The following EMILIN1 variants were observed in gnomAD, a reference collection of about 807,000 sequenced individuals.
EMILIN1 encodes elastin microfibril interfacer 1.
A neutral mutation model predicts 82.4 loss-of-function variants in EMILIN1; 49 were observed. The ratio of observed to expected loss-of-function variants is 0.59; its 90% confidence interval spans 0.47 to 0.75. EMILIN1 has a LOEUF of 0.75. EMILIN1 is among the 30% of genes least tolerant of loss of function. The probability of loss-of-function intolerance (pLI) is 0.00; values close to 1 mark genes in which losing one functional copy is unlikely to be tolerated. For synonymous variants in EMILIN1, 604 were observed against 602.2 expected, an observed-to-expected ratio of 1.00 and a Z score of -0.04; for missense variants, 1,313 against 1,366.4, an observed-to-expected ratio of 0.96 and a Z score of 0.62.
intron 3 of EMILIN1, among the ~76,000 whole-genome samples, 156 bp downstream of exon 3, chr2:27,081,108 CGTGTGT>C (rs56048649): frequency 0.043 from 6,059 of 142,484 alleles, 146 homozygotes; most frequent in Middle Eastern, 0.047. Flanking sequence ...ATTCCCTGCC[CGTGTGT>C]GTGTGTGTGT....
At position 27,080,929 on chromosome 2, in the gene EMILIN1, C is replaced by T; in HGVS notation, c.488C>T (p.Pro163Leu). Residue 163 changes from proline (P) to leucine (L), a missense_variant, in exon 3 of 8, where the codon CCC (proline) becomes CTC (leucine). Pro to Leu is a moderately conservative substitution (Grantham distance 98). Coordinates refer to ENST00000380320, the MANE Select transcript of EMILIN1 (RefSeq NM_007046.4). ...PNLSGSSAGSPLSGLGGEGPG... is the reference protein window; with the variant it reads ...PNLSGSSAGSLLSGLGGEGPG... ...CTCTCTGGCTCCAGTGCAGGCAGCC[C>T]CCTCAGTGGACTGGGGGGAGAAGGT... is the stretch of plus-strand genomic sequence containing the variant. 6.3e-7 allele frequency: 1 copy of T among 1,597,616 alleles called. No individual in the cohort carries two copies. The highest frequency in any genetic ancestry group is 2.3e-5 in the East Asian group (1 of 44,304).
In EMILIN1 at chr2:27,082,928, C is replaced by T; in HGVS notation, c.1357C>T (p.Leu453=). The T allele has an allele frequency of 1.3e-6, 2 of 1,591,302 alleles. No homozygotes were observed. The highest frequency in any genetic ancestry group is 1.7e-6 in the Non-Finnish European group (2 of 1,172,504). ...RGRLEQLGGL[L]ANVSGELGGR... ...CCGACTAGAGCAGTTGGGGGGGCTG[C>T]TGGCCAATGTGAGCGGGGAGCTGGG... The change falls in exon 4 of 8, where the codon CTG becomes TTG. Residue 453 remains leucine, a synonymous_variant. Transcript: ENST00000380320.
intron 2 of EMILIN1, 74 bp from the exon 3 acceptor site, chr2:27,080,658 C>G: frequency 7.8e-7 from 1 of 1,290,020 alleles, no homozygotes; most frequent in Non-Finnish European, 1.1e-6. Context: ...AGCAGCTGCC[C>G]ACCCCTGAGG....
rs753236806 is a variant in EMILIN1 at position 27,085,009 on chromosome 2, G to A, written c.2575+1G>A. On this transcript the variant is annotated splice_donor_variant, in intron 6 of 7. Coordinates refer to ENST00000380320, the MANE Select transcript of EMILIN1 (RefSeq NM_007046.4). LOFTEE classifies it high-confidence loss of function. The stretch of plus-strand genomic sequence containing the variant: ...CTCACAGGTCCTCAAGGTGAACAGG[G>A]TGAGTGCCTTTCATTTGATTCTGGA... 4.3e-6 allele frequency: 7 copies of A among 1,613,994 alleles called. No individual in the cohort carries two copies.
rs1445212820 is a variant in EMILIN1, at chr2:27,083,507, G to A, written c.1936G>A (p.Glu646Lys). ...SGSALQALQG[E>K]LSEVILSFSS... The stretch of plus-strand genomic sequence containing the variant: ...CTCAGCCCTGCAGGCCCTGCAAGGA[G>A]AGCTCTCTGAGGTTATTCTCAGCTT... Residue 646 changes from glutamate (E) to lysine (K), a missense_variant, in exon 4 of 8, where the codon GAG becomes AAG. By Grantham distance (56) the Glu-to-Lys change is moderately conservative (BLOSUM62 1). Coordinates refer to ENST00000380320, the MANE Select transcript of EMILIN1 (RefSeq NM_007046.4). 1.9e-6 allele frequency: 3 copies of A among 1,613,834 alleles called. No individual in the cohort carries two copies. Among genetic ancestry groups the A allele is most frequent in the East Asian group, 2.2e-5 (1 of 44,892 alleles).
intron 1 of EMILIN1, among the ~76,000 whole-genome samples, chr2:27,079,583 T>A (rs1319041276): frequency 6.6e-6 from 1 of 152,082 alleles, no homozygotes; most frequent in Non-Finnish European, 1.5e-5. Flanking sequence ...CATCCAGTAA[T>A]CCATAATTCT....
In EMILIN1 at chr2:27,082,233, G is replaced by A; in HGVS notation, c.662G>A (p.Arg221Lys). The A allele has an allele frequency of 1.9e-6, 3 of 1,613,460 alleles. No individual in the cohort carries two copies. Among genetic ancestry groups the A allele is most frequent in the Non-Finnish European group, 2.5e-6 (3 of 1,179,982 alleles). Residue 221 changes from arginine (R) to lysine (K), a missense_variant, in exon 4 of 8, where the codon AGG becomes AAG. Physicochemically the swap from Arg to Lys is conservative, Grantham distance 26 (BLOSUM62 2). Coordinates refer to ENST00000380320, the MANE Select transcript of EMILIN1 (RefSeq NM_007046.4). ...GCTGTGGAGACGGCCTTCAACGGGAGGCAGCAGCCAGCTGACGCGGCTGCC... is the reference window on the plus strand; with the variant it reads ...GCTGTGGAGACGGCCTTCAACGGGAAGCAGCAGCCAGCTGACGCGGCTGCC... The part of the protein sequence containing the change: ...QRAVETAFNG[R>K]QQPADAAARP...
chr2:27,080,351 T>C, intron 2 of EMILIN1, 81 bp downstream of exon 2: 1 of 1,567,576 alleles, frequency 6.4e-7, no homozygotes, highest in Non-Finnish European at 8.7e-7. Flanking sequence ...AGGGAGTCTG[T>C]ATGAAGCAGG....
rs1669573430 is a variant in EMILIN1, at chr2:27,084,993, C to T, written c.2560C>T (p.Pro854Ser). ...TGCTCCCTTTCCTCTTCTCACAGGT[C>T]CTCAAGGTGAACAGGGTGAGTGCCT... ...GQEGPIGPPG[P>S]QGEQGVEGAP... The change falls in exon 6 of 8, where the codon CCT (proline) becomes TCT (serine). Residue 854 changes from proline (P) to serine (S), a missense_variant and splice_region_variant. Pro to Ser is a moderately conservative substitution (Grantham distance 74, BLOSUM62 -1). Coordinates refer to ENST00000380320, the MANE Select transcript of EMILIN1 (RefSeq NM_007046.4). 8 of 1,613,920 alleles carry T rather than the reference C, an allele frequency of 5.0e-6. No individual in the cohort carries two copies. The highest frequency in any genetic ancestry group is 6.8e-6 in the Non-Finnish European group (8 of 1,179,758).
intron 7 of EMILIN1, 81 bp downstream of exon 7, chr2:27,085,378 C>T (rs1407392888): frequency 1.3e-6 from 2 of 1,536,058 alleles, no homozygotes; most frequent in African/African-American, 1.4e-5. Context: ...TTGCCTTTTC[C>T]GACAGTGTGA....
chr2:27,080,777 A>G lies in EMILIN1; in HGVS notation c.336A>G (p.Thr112=). ...LRPRYRVAYK[T]VTDMEWRCCQ... is the part of the protein sequence containing the mutation. ...CTCGCTACCGTGTGGCCTACAAGAC[A>G]GTGACCGACATGGAGTGGAGGTGCT... Residue 112 remains threonine, a synonymous_variant, in exon 3 of 8, where the codon ACA becomes ACG. Coordinates refer to ENST00000380320, the MANE Select transcript of EMILIN1 (RefSeq NM_007046.4). The G allele has an allele frequency of 1.2e-6, 2 of 1,613,838 alleles. No individual in the cohort carries two copies. Among genetic ancestry groups the G allele is most frequent in the African/African-American group, 1.3e-5 (1 of 75,056 alleles).
chr2:27,082,223 T>C lies in EMILIN1; in HGVS notation c.652T>C (p.Phe218Leu), dbSNP rs777685787. 1.9e-6 allele frequency: 3 copies of C among 1,613,524 alleles called. No individual in the cohort carries two copies. The highest frequency in any genetic ancestry group is 2.5e-6 in the Non-Finnish European group (3 of 1,179,984). ...TGTGCAGAGGGCTGTGGAGACGGCC[T>C]TCAACGGGAGGCAGCAGCCAGCTGA... ...EDVQRAVETAFNGRQQPADAA... is the reference protein window; with the variant it reads ...EDVQRAVETALNGRQQPADAA... Residue 218 changes from phenylalanine (F) to leucine (L), a missense_variant, in exon 4 of 8, where the codon TTC (phenylalanine) becomes CTC (leucine). Coordinates refer to ENST00000380320, the MANE Select transcript of EMILIN1 (RefSeq NM_007046.4).
Position 27,084,522 on chromosome 2 carries a change from G to A in EMILIN1, c.2548G>A (p.Gly850Arg), listed in dbSNP as rs758516548. 1.4e-5 allele frequency: 23 copies of A among 1,608,062 alleles called. No homozygotes were observed. The highest frequency in any genetic ancestry group is 5.5e-5 in the South Asian group (5 of 90,992). ...CAAGGACGGGCAAGAGGGCCCCATC[G>A]GGCCACCAGGTATGTGCACTGAGAC... is the stretch of plus-strand genomic sequence containing the variant. Reference protein sequence around the residue: ...PGKDGQEGPIGPPGPQGEQGV... With the variant: ...PGKDGQEGPIRPPGPQGEQGV... The change falls in exon 5 of 8, where the codon GGG (glycine) becomes AGG (arginine). Residue 850 changes from glycine (G) to arginine (R), a missense_variant. Gly to Arg is a moderately radical substitution (Grantham distance 125, BLOSUM62 -2). Transcript: ENST00000380320.
At position 27,083,084 on chromosome 2, in the gene EMILIN1, C is replaced by A. The variant is rs894151361; in HGVS notation, c.1513C>A (p.Leu505Met). Reference sequence around the variant, plus strand: ...CCTCAGTGCCTTGGAGCGCAGGGTGCTGGACAGTGAGGGGCAGCTGCGGCT... The same window carrying A: ...CCTCAGTGCCTTGGAGCGCAGGGTGATGGACAGTGAGGGGCAGCTGCGGCT... ...EILSALERRVLDSEGQLRLVG... is the reference protein window; with the variant it reads ...EILSALERRVMDSEGQLRLVG... The change falls in exon 4 of 8, where the codon CTG (leucine) becomes ATG (methionine). Residue 505 changes from leucine to methionine, a missense_variant. By Grantham distance (15) the Leu-to-Met change is conservative. Transcript: ENST00000380320. The A allele has an allele frequency of 1.9e-6, 3 of 1,560,236 alleles. No individual in the cohort carries two copies. Among genetic ancestry groups the A allele is most frequent in the Non-Finnish European group, 2.6e-6 (3 of 1,152,364 alleles).
Position 27,082,997 on chromosome 2 carries a change from C to T in EMILIN1, c.1426C>T (p.Gln476Ter). ...LLEEQVAGAM[Q>*]ACGQLCSGAP... is the part of the protein sequence containing the mutation. ...GGAGGAGCAGGTGGCAGGGGCCATG[C>T]AGGCATGCGGGCAGCTCTGCTCTGG... The change falls in exon 4 of 8, where the codon CAG (glutamine) becomes TAG (stop). Residue 476 changes from glutamine (Q) to a stop codon, truncating the protein, a stop_gained. Coordinates refer to ENST00000380320, the MANE Select transcript of EMILIN1 (RefSeq NM_007046.4). LOFTEE classifies it high-confidence loss of function. 6.4e-7 allele frequency: 1 copy of T among 1,569,702 alleles called. No individual in the cohort carries two copies. Among genetic ancestry groups the T allele is most frequent in the South Asian group, 1.2e-5 (1 of 83,530 alleles).
At position 27,083,711 on chromosome 2, in the gene EMILIN1, C is replaced by G. The variant is rs373717464; in HGVS notation, c.2140C>G (p.Gln714Glu). The change falls in exon 4 of 8, where the codon CAA (glutamine) becomes GAA (glutamate). Residue 714 changes from glutamine (Q) to glutamate (E), a missense_variant. Coordinates refer to ENST00000380320, the MANE Select transcript of EMILIN1 (RefSeq NM_007046.4). ...EERFRGLEEG[Q>E]AQAGQCPSLE... ...GCGCTTCCGAGGCCTAGAGGAGGGACAAGCACAGGCCGGCCAGTGCCCCAG... is the reference window on the plus strand; with the variant it reads ...GCGCTTCCGAGGCCTAGAGGAGGGAGAAGCACAGGCCGGCCAGTGCCCCAG... 4.3e-6 allele frequency: 7 copies of G among 1,613,900 alleles called. No individual in the cohort carries two copies. Among genetic ancestry groups the G allele is most frequent in the Non-Finnish European group, 5.9e-6 (7 of 1,179,878 alleles).
In EMILIN1 at chr2:27,082,953, G is replaced by C. The variant is rs560031379; in HGVS notation, c.1382G>C (p.Gly461Ala). Residue 461 changes from glycine to alanine, a missense_variant, in exon 4 of 8, where the codon GGG (glycine) becomes GCG (alanine). Physicochemically the swap from Gly to Ala is moderately conservative, Grantham distance 60 (BLOSUM62 0). Coordinates refer to ENST00000380320, the MANE Select transcript of EMILIN1 (RefSeq NM_007046.4). ...GLLANVSGEL[G>A]GRLDLLEEQV... ...CTGGCCAATGTGAGCGGGGAGCTGG[G>C]GGGGCGGTTGGATCTGTTGGAGGAG... 6 of 1,586,308 alleles carry C rather than the reference G, an allele frequency of 3.8e-6. No individual in the cohort carries two copies. The Admixed American group carries it at 6.9e-5, about 18-fold the overall frequency.
chr2:27,083,078 A>G lies in EMILIN1; in HGVS notation c.1507A>G (p.Arg503Gly). 2 of 1,549,398 alleles carry G rather than the reference A, an allele frequency of 1.3e-6. No individual in the cohort carries two copies. The highest frequency in any genetic ancestry group is 1.7e-6 in the Non-Finnish European group (2 of 1,146,998). ...VSEILSALERRVLDSEGQLRL... is the reference protein window; with the variant it reads ...VSEILSALERGVLDSEGQLRL... Reference sequence around the variant, plus strand: ...CGAGATCCTCAGTGCCTTGGAGCGCAGGGTGCTGGACAGTGAGGGGCAGCT... The same window carrying G: ...CGAGATCCTCAGTGCCTTGGAGCGCGGGGTGCTGGACAGTGAGGGGCAGCT... The change falls in exon 4 of 8, where the codon AGG becomes GGG. Residue 503 changes from arginine (R) to glycine (G), a missense_variant. By Grantham distance (125) the Arg-to-Gly change is moderately radical (BLOSUM62 -2). Coordinates refer to ENST00000380320, the MANE Select transcript of EMILIN1 (RefSeq NM_007046.4).
chr2:27,078,884 G>A lies in EMILIN1; in HGVS notation c.-182G>A. 1 of 516,072 alleles carries A rather than the reference G, an allele frequency of 1.9e-6. No individual in the cohort carries two copies. Among genetic ancestry groups the A allele is most frequent in the Non-Finnish European group, 3.4e-6 (1 of 294,296 alleles). The allele number at this position is 516,072 out of a possible 1,614,324, so 32.0% of individuals were successfully genotyped here. Reference sequence around the variant, plus strand: ...GACAGGAGCTGAGGAGGAAAGAGGAGGGGAGAGGGGTCAGGCCAGGCAGCC... The same window carrying A: ...GACAGGAGCTGAGGAGGAAAGAGGAAGGGAGAGGGGTCAGGCCAGGCAGCC... On this transcript the variant is annotated 5_prime_UTR_variant, in exon 1 of 8. Transcript: ENST00000380320.
Sources: allele counts gnomAD v4.1 joint callset (sites outside exome capture counted in the v4.1 genomes callset), GRCh38; gene constraint gnomAD v4.1.1; transcripts MANE v1.5; gene names NCBI Gene and HGNC (gene_info 2026-07-23, HGNC 2026-07-21).